Variants in SYNJ2 observed in about 807,000 individuals in gnomAD.
SYNJ2 encodes the protein synaptojanin 2, also known as polyphosphatidylinositol phosphatase SYNJ2.
SYNJ2 carries 116 observed loss-of-function variants against 141.3 expected under a neutral mutation model. The ratio of observed to expected loss-of-function variants is 0.82; its 90% confidence interval spans 0.71 to 0.96. The LOEUF is 0.96. Among genes scored for constraint, SYNJ2 ranks in the 40% least tolerant of loss-of-function variants. The pLI is 0.00. For synonymous variants in SYNJ2, 745 were observed against 777.7 expected (o/e 0.96, Z 0.70); for missense variants, 1,873 against 1,934.8 (o/e 0.97, Z 0.60).
chr6:158,023,357 CAGTG>C (rs1778878448), intron 2 of SYNJ2, among the ~76,000 whole-genome samples: 3 of 151,656 alleles, frequency 2.0e-5, no homozygotes, highest in African/African-American at 4.9e-5. Context: ...AGGCAGGACA[CAGTG>C]AGGCTGGGAT....
chr6:158,085,849 G>A (rs1342850864), intron 22 of SYNJ2, among the ~76,000 whole-genome samples: 1 of 152,096 alleles, frequency 6.6e-6, no homozygotes, highest in Non-Finnish European at 1.5e-5. Context: ...GGAGCATCGC[G>A]GTGGTTCTGC....
intron 4 of SYNJ2, among the ~76,000 whole-genome samples, chr6:158,039,159 G>C (rs1480844094): frequency 6.6e-6 from 1 of 152,268 alleles, no homozygotes; most frequent in Admixed American, 6.5e-5. Flanking sequence ...TGTCTCTGGA[G>C]TCACTGAATA....
chr6:158,082,050 C>A (rs1053267049), intron 20 of SYNJ2, among the ~76,000 whole-genome samples: 1 of 152,118 alleles, frequency 6.6e-6, no homozygotes, highest in Non-Finnish European at 1.5e-5. Flanking sequence ...TAGCTACTTG[C>A]AAAATAGGGC....
At chr6:158,042,764 A>G (rs1780017429) in intron 4 of SYNJ2, among the ~76,000 whole-genome samples, 1 of 152,178 alleles carries the variant, frequency 6.6e-6, no homozygotes, top group Non-Finnish European at 1.5e-5. Context: ...TGTGTTTAAG[A>G]ACACAGTGGG....
chr6:158,043,531 T>C lies in SYNJ2; in HGVS notation c.795+132T>C, dbSNP rs113500972. The C allele has an allele frequency of 1.9e-3, 1,284 of 664,826 alleles. 14 individuals carry two copies. In the African/African-American group the frequency reaches 0.019, roughly 10 times the overall value. The allele number at this position is 664,826 out of a possible 1,614,324, so 41.2% of individuals were successfully genotyped here. On this transcript the variant is annotated intron_variant, in intron 5 of 26. Transcript: ENST00000355585. This position sits in a 1 kb window ranked among gnomAD's most constrained non-coding sequence, Gnocchi z 4.0. ...TTTCCAGTCTTTTTCCTCAGCCCTGTTGTGTTGAGCTGAGCTATCAAAGTG... is the reference window on the plus strand; with the variant it reads ...TTTCCAGTCTTTTTCCTCAGCCCTGCTGTGTTGAGCTGAGCTATCAAAGTG...
At chr6:158,020,834 CAA>C (rs776430505) in intron 2 of SYNJ2, among the ~76,000 whole-genome samples, 2 of 152,256 alleles carry the variant, frequency 1.3e-5, no homozygotes, top group Non-Finnish European at 2.9e-5. Context: ...TAATTTGGGA[CAA>C]GTTTTCCCTT....
At chr6:158,012,525 C>T (rs1162686682) in intron 1 of SYNJ2, among the ~76,000 whole-genome samples, 2 of 152,190 alleles carry the variant, frequency 1.3e-5, no homozygotes, top group Non-Finnish European at 2.9e-5. Context: ...CTGCAAGAGA[C>T]AAGGAAATGG....
Position 158,028,929 on chromosome 6 carries a change from T to C in SYNJ2, c.388T>C (p.Tyr130His). The C allele has an allele frequency of 6.2e-7, 1 of 1,614,180 alleles. No individual in the cohort carries two copies. The highest frequency in any genetic ancestry group is 1.1e-5 in the South Asian group (1 of 91,076). ...GAAAATCCTCAGCTCGGGGGTGTTC[T>C]ATTTCTCATGGCCAAACGATGGGTC... ...LKKILSSGVFYFSWPNDGSRF... is the reference protein window; with the variant it reads ...LKKILSSGVFHFSWPNDGSRF... The change falls in exon 3 of 27, where the codon TAT becomes CAT. Residue 130 changes from tyrosine (Y) to histidine (H), a missense_variant. Physicochemically the swap from Tyr to His is moderately conservative, Grantham distance 83. Transcript: ENST00000355585.
intron 23 of SYNJ2, 22 bp downstream of exon 23, chr6:158,087,011 G>A: frequency 6.3e-7 from 1 of 1,579,932 alleles, no homozygotes. Flanking sequence ...CTTGCTTTCA[G>A]CTCCCTGGAT....
intron 26 of SYNJ2, among the ~76,000 whole-genome samples, chr6:158,094,686 T>C (rs1317880877): frequency 6.6e-6 from 1 of 152,248 alleles, no homozygotes; most frequent in Non-Finnish European, 1.5e-5. Flanking sequence ...TTAGTTTGTT[T>C]TCTAAAGAAC....
chr6:158,071,853 C>A lies in SYNJ2; in HGVS notation c.2133+59C>A. On this transcript the variant is annotated intron_variant, in intron 15 of 26. Transcript: ENST00000355585. This position sits in a 1 kb window ranked among gnomAD's most constrained non-coding sequence, Gnocchi z 4.3. ...CTGCTCAGCTCAGTCCCAAATGTGA[C>A]TGTTGATAGGAGCCAGGCACTGGGG... is the stretch of plus-strand genomic sequence containing the variant. The A allele has an allele frequency of 1.3e-6, 2 of 1,565,266 alleles. No individual in the cohort carries two copies. Among genetic ancestry groups the A allele is most frequent in the South Asian group, 1.2e-5 (1 of 84,270 alleles).
chr6:157,982,439 C>A lies in SYNJ2; in HGVS notation c.127+351C>A, dbSNP rs1777050101. On this transcript the variant is annotated intron_variant, in intron 1 of 26. Coordinates refer to ENST00000355585, the MANE Select transcript of SYNJ2 (RefSeq NM_003898.4). This position sits in a 1 kb window ranked among gnomAD's most constrained non-coding sequence, Gnocchi z 4.0. ...CCTGACCCTGTGCCTGGCGCCTTTT[C>A]TTTTGCACCTGTTGATGAAACCAGT... Among the ~76,000 whole-genome samples, 1 of 152,192 alleles carries A rather than the reference C, an allele frequency of 6.6e-6. No individual in the cohort carries two copies. Among genetic ancestry groups the A allele is most frequent in the Non-Finnish European group, 1.5e-5 (1 of 68,026 alleles).
chr6:158,022,435 C>T (rs1778826931), intron 2 of SYNJ2, among the ~76,000 whole-genome samples: 1 of 152,238 alleles, frequency 6.6e-6, no homozygotes, highest in African/African-American at 2.4e-5. Context: ...GGCCTGATAA[C>T]AAATTGCCTA....
chr6:158,055,221 T>C (rs921032308), intron 6 of SYNJ2, among the ~76,000 whole-genome samples, 193 bp downstream of exon 6: 12 of 152,240 alleles, frequency 7.9e-5, no homozygotes, highest in Non-Finnish European at 1.5e-4. Context: ...TCAGGTTTCC[T>C]GAAGGTAAAT....
intron 1 of SYNJ2, among the ~76,000 whole-genome samples, chr6:157,999,751 T>C (rs1777766360): frequency 6.6e-6 from 1 of 151,930 alleles, no homozygotes; most frequent in South Asian, 2.1e-4. Flanking sequence ...CTGGCAGGAG[T>C]CAGGGCAGGC....
intron 5 of SYNJ2, among the ~76,000 whole-genome samples, chr6:158,054,499 TTAAA>T (rs1469545899): frequency 1.3e-5 from 2 of 152,214 alleles, no homozygotes; most frequent in Non-Finnish European, 2.9e-5. Flanking sequence ...AAGTTGAGTA[TTAAA>T]TAAATAGTTC....
At chr6:158,089,525 A>T (rs1289733740) in intron 24 of SYNJ2, among the ~76,000 whole-genome samples, 1 of 152,176 alleles carries the variant, frequency 6.6e-6, no homozygotes, top group Non-Finnish European at 1.5e-5. Flanking sequence ...GGACCATGGA[A>T]AGAGTGGCCT....
At position 158,071,900 on chromosome 6, in the gene SYNJ2, C is replaced by T; in HGVS notation, c.2133+106C>T. On this transcript the variant is annotated intron_variant, in intron 15 of 26. Coordinates refer to ENST00000355585, the MANE Select transcript of SYNJ2 (RefSeq NM_003898.4). The surrounding 1 kb of genome is among the most constrained non-coding windows in gnomAD (Gnocchi z 4.3). ...GGGGACACAACCACAGGGAGGGCCC[C>T]TTCCTGGAGGGCTCAGCGCTGGGGG... The T allele has an allele frequency of 7.5e-7, 1 of 1,326,990 alleles. No individual in the cohort carries two copies. Among genetic ancestry groups the T allele is most frequent in the Non-Finnish European group, 1.0e-6 (1 of 978,956 alleles). The allele number at this position is 1,326,990 out of a possible 1,614,324, so 82.2% of individuals were successfully genotyped here. A position where few individuals can be genotyped will look rare whatever the true frequency, so the allele number is the denominator to read the frequency against.
intron 1 of SYNJ2, among the ~76,000 whole-genome samples, chr6:157,997,014 C>T (rs1468185707): frequency 6.9e-6 from 1 of 144,416 alleles, no homozygotes; most frequent in African/African-American, 2.5e-5. Flanking sequence ...GCCTCCGTCT[C>T]CCCACCTACC....
Sources: gnomAD v4.1 joint callset for allele counts (sites outside exome capture counted in the v4.1 genomes callset) on GRCh38, gnomAD v4.1.1 for gene constraint, Gnocchi (gnomAD v3.1) non-coding constraint, MANE v1.5 for transcripts, NCBI Gene and HGNC (gene_info 2026-07-23, HGNC 2026-07-21) for gene names.